BPNT2: variants seen among roughly 807,000 people sequenced by gnomAD.
The protein encoded by BPNT2 is Golgi-resident adenosine 3',5'-bisphosphate 3'-phosphatase.
In BPNT2, 11 loss-of-function variants were observed where a neutral mutation model predicts 29.3. The observed-to-expected ratio is 0.38, with a 90% CI of 0.24 to 0.62. BPNT2 has a LOEUF of 0.62. Ranked by LOEUF, BPNT2 falls within the 20% of genes least tolerant of loss-of-function variation. BPNT2 has a pLI of 0.62. For synonymous variants in BPNT2, 195 were observed against 187.7 expected, an observed-to-expected ratio of 1.04 and a Z score of -0.32; for missense variants, 459 against 473.4, an observed-to-expected ratio of 0.97 and a Z score of 0.28.
intron 1 of BPNT2, among the ~76,000 whole-genome samples, chr8:56,980,764 TC>T (rs1806226572): frequency 6.8e-6 from 1 of 147,396 alleles, no homozygotes; most frequent in Non-Finnish European, 1.5e-5. Context: ...AGGAATATAT[TC>T]TCTCCTTAAG....
At chr8:56,983,894 C>T (rs1267367758) in intron 1 of BPNT2, among the ~76,000 whole-genome samples, 3 of 152,014 alleles carry the variant, frequency 2.0e-5, no homozygotes, top group African/African-American at 7.3e-5. Context: ...ACTTACCTTA[C>T]CAGATATCAA....
At chr8:56,985,230 C>T (rs944157922) in intron 1 of BPNT2, among the ~76,000 whole-genome samples, 4 of 152,062 alleles carry the variant, frequency 2.6e-5, no homozygotes, top group Admixed American at 1.3e-4. Context: ...ATTACTGTAG[C>T]TCCATCCCCA....
intron 3 of BPNT2, among the ~76,000 whole-genome samples, chr8:56,977,825 A>G (rs1369089711): frequency 6.6e-6 from 1 of 152,150 alleles, no homozygotes; most frequent in Non-Finnish European, 1.5e-5. Context: ...AGAAACAAAA[A>G]AGATACTCCC....
intron 4 of BPNT2, among the ~76,000 whole-genome samples, chr8:56,964,643 T>A (rs963614455): frequency 6.6e-6 from 1 of 152,204 alleles, no homozygotes; most frequent in Non-Finnish European, 1.5e-5. Flanking sequence ...TAACCAAATA[T>A]ATACCTACAA....
intron 1 of BPNT2, among the ~76,000 whole-genome samples, chr8:56,982,222 C>G (rs948331147): frequency 1.3e-5 from 2 of 150,258 alleles, no homozygotes; most frequent in African/African-American, 2.5e-5. Context: ...TTTCCGGGTT[C>G]GAGTGATTCT....
At chr8:56,975,027 T>C (rs1198898812) in intron 3 of BPNT2, among the ~76,000 whole-genome samples, 1 of 152,194 alleles carries the variant, frequency 6.6e-6, no homozygotes, top group Non-Finnish European at 1.5e-5. Flanking sequence ...AAGGGTGCCA[T>C]GTGACATTCG....
chr8:56,988,263 A>G (rs968296537), intron 1 of BPNT2, among the ~76,000 whole-genome samples: 4 of 152,282 alleles, frequency 2.6e-5, no homozygotes, highest in African/African-American at 9.6e-5. Context: ...TTAAAAGCCC[A>G]ATTTCTCACA....
chr8:56,981,560 T>C (rs1806244480), intron 1 of BPNT2, among the ~76,000 whole-genome samples: 1 of 151,870 alleles, frequency 6.6e-6, no homozygotes, highest in Admixed American at 6.6e-5. Flanking sequence ...CAAGACTCCA[T>C]CTCAAAAAAA....
At chr8:56,971,794 A>G (rs1223285594) in intron 3 of BPNT2, among the ~76,000 whole-genome samples, 1 of 40,698 alleles carries the variant, frequency 2.5e-5, no homozygotes, top group African/African-American at 7.3e-5. Context: ...CCCCCCCCCC[A>G]CAATGCTACT....
At chr8:56,987,854 G>A (rs925912000) in intron 1 of BPNT2, among the ~76,000 whole-genome samples, 1 of 150,134 alleles carries the variant, frequency 6.7e-6, no homozygotes, top group African/African-American at 2.5e-5. Context: ...TCAACCTCCC[G>A]AGCAGGTGGG....
chr8:56,962,771 C>T lies in BPNT2; in HGVS notation c.*1022G>A, dbSNP rs1805859334. On this transcript the variant is annotated 3_prime_UTR_variant, in exon 5 of 5. Coordinates refer to ENST00000262644, the MANE Select transcript of BPNT2 (RefSeq NM_017813.5). ...CATGGCAAAAGCAACCATACTCATT[C>T]TTGATAATGAAAGGATCTTCTATAT... 1.3e-5 allele frequency: 2 copies of T among 151,896 alleles called. No individual in the cohort carries two copies. The highest frequency in any genetic ancestry group is 1.3e-4 in the Admixed American group (2 of 15,242). The allele number at this position is 151,896 out of a possible 1,614,324, so 9.4% of individuals were successfully genotyped here.
intron 1 of BPNT2, among the ~76,000 whole-genome samples, chr8:56,986,110 CCTGA>C (rs1247719043): frequency 6.6e-6 from 1 of 152,206 alleles, no homozygotes; most frequent in African/African-American, 2.4e-5. Flanking sequence ...CTCAGTCTTT[CCTGA>C]CTAATGCATT....
At chr8:56,992,646 C>A (rs1806436253) in intron 1 of BPNT2, among the ~76,000 whole-genome samples, 1 of 152,030 alleles carries the variant, frequency 6.6e-6, no homozygotes, top group African/African-American at 2.4e-5. Flanking sequence ...AACTTTAGAG[C>A]GTCCTGACAA....
At chr8:56,976,326 G>A (rs1192471888) in intron 3 of BPNT2, among the ~76,000 whole-genome samples, 1 of 152,122 alleles carries the variant, frequency 6.6e-6, no homozygotes, top group African/African-American at 2.4e-5. Context: ...TTAGAGAAGA[G>A]AAAAATAAAC....
chr8:56,977,674 AAT>A (rs1246455483), intron 3 of BPNT2, among the ~76,000 whole-genome samples: 1 of 152,170 alleles, frequency 6.6e-6, no homozygotes, highest in African/African-American at 2.4e-5. Flanking sequence ...CGCTGAATCC[AAT>A]ATGACTGGTG....
rs1206061153 is a variant in BPNT2, at chr8:56,963,504, G to GACTCATAACAATGAGTCAATGGTGACTCA, written c.*288_*289insTGAGTCACCATTGACTCATTGTTATGAGT. The GACTCATAACAATGAGTCAATGGTGACTCA allele has an allele frequency of 6.5e-5, 24 of 369,306 alleles. No homozygotes were observed. The highest frequency in any genetic ancestry group is 9.9e-5 in the Non-Finnish European group (20 of 201,970). 22.9% of individuals were successfully genotyped at this position (369,306 alleles called of 1,614,324 possible). A position where few individuals can be genotyped will look rare whatever the true frequency, so the allele number is the denominator to read the frequency against. ...TGTGAAAATGGTGACTCATAACAAT[G>GACTCATAACAATGAGTCAATGGTGACTCA]TAGACTCAGCTACAGATTTTAATTC... On this transcript the variant is annotated 3_prime_UTR_variant, in exon 5 of 5. Transcript: ENST00000262644.
Position 56,993,867 on chromosome 8 carries a change from T to G in BPNT2, c.-282A>C. ...TCCACGTTAGCCTACGGCCGCGAGG[T>G]GAAAGGGGAGCGTGGGTGTGTATCC... is the stretch of plus-strand genomic sequence containing the variant. On this transcript the variant is annotated 5_prime_UTR_variant, in exon 1 of 5. Coordinates refer to ENST00000262644, the MANE Select transcript of BPNT2 (RefSeq NM_017813.5). The G allele has an allele frequency of 5.5e-6, 1 of 180,586 alleles. No homozygotes were observed. The allele number at this position is 180,586 out of a possible 1,614,324, so 11.2% of individuals were successfully genotyped here.
At position 56,993,647 on chromosome 8, in the gene BPNT2, C is replaced by CGCCGCCGCA. The variant is rs1239086980; in HGVS notation, c.-71_-63dup. On this transcript the variant is annotated 5_prime_UTR_variant, in exon 1 of 5. Coordinates refer to ENST00000262644, the MANE Select transcript of BPNT2 (RefSeq NM_017813.5). ...ACAGGCCTCCAGCGCCCGCCGCCGC[C>CGCCGCCGCA]GCCGCCGCAGCCGCCGCGCTCCGGG... The CGCCGCCGCA allele has an allele frequency of 2.5e-6, 3 of 1,209,632 alleles. No homozygotes were observed. The highest frequency in any genetic ancestry group is 1.6e-5 in the African/African-American group (1 of 62,424). 74.9% of individuals were successfully genotyped at this position (1,209,632 alleles called of 1,614,324 possible). A position where few individuals can be genotyped will look rare whatever the true frequency, so the allele number is the denominator to read the frequency against.
Position 56,993,654 on chromosome 8 carries a change from GCAGCCGCCGCGCTCCGGGC to G in BPNT2, c.-88_-70del. 2.5e-6 allele frequency: 3 copies of G among 1,184,436 alleles called. No homozygotes were observed. The highest frequency in any genetic ancestry group is 3.1e-6 in the Non-Finnish European group (3 of 960,078). 73.4% of individuals were successfully genotyped at this position (1,184,436 alleles called of 1,614,324 possible). A position where few individuals can be genotyped will look rare whatever the true frequency, so the allele number is the denominator to read the frequency against. On this transcript the variant is annotated 5_prime_UTR_variant, in exon 1 of 5. Transcript: ENST00000262644. ...TCCAGCGCCCGCCGCCGCCGCCGCC[GCAGCCGCCGCGCTCCGGGC>G]CAGGCGCCGCGCGGGCTACACTGGC...
Sources: allele counts gnomAD v4.1 joint callset (sites outside exome capture counted in the v4.1 genomes callset), GRCh38; gene constraint gnomAD v4.1.1; transcripts MANE v1.5; gene names NCBI Gene and HGNC (gene_info 2026-07-23, HGNC 2026-07-21).